The following TOPAZ1 variants were observed in gnomAD, a reference collection of about 807,000 sequenced individuals.
TOPAZ1 encodes the protein testis and ovary specific TOPAZ 1, also known as protein TOPAZ1.
Under a neutral mutation model 172.2 loss-of-function variants are expected in TOPAZ1, and 66 were observed. The observed-to-expected ratio is 0.38, with a 90% confidence interval of 0.31 to 0.47. The LOEUF is 0.47. Among genes scored for constraint, TOPAZ1 ranks in the 20% least tolerant of loss-of-function variants. The pLI, the probability that TOPAZ1 is intolerant of heterozygous loss-of-function variation, is 0.99. For synonymous variants in TOPAZ1, 681 were observed against 683.9 expected, an observed-to-expected ratio of 1.00 and a Z score of 0.07; for missense variants, 1,822 against 1,972.4, an observed-to-expected ratio of 0.92 and a Z score of 1.44.
chr3:44,335,324 T>G (rs1700711726), downstream of TOPAZ1, among the ~76,000 whole-genome samples: 1 of 152,110 alleles, frequency 6.6e-6, no homozygotes, highest in African/African-American at 2.4e-5. Context: ...TCTAAAGTTT[T>G]TTTTTAAATA....
intron 12 of TOPAZ1, among the ~76,000 whole-genome samples, chr3:44,297,576 A>T (rs1052282825): frequency 6.6e-6 from 1 of 152,214 alleles, no homozygotes; most frequent in Non-Finnish European, 1.5e-5. Context: ...AAGACTGGGA[A>T]CATGGCAAGG....
At chr3:44,333,419 G>A (rs1385498334), downstream of TOPAZ1, among the ~76,000 whole-genome samples, 1 of 152,116 alleles carries the variant, frequency 6.6e-6, no homozygotes, top group Non-Finnish European at 1.5e-5. Flanking sequence ...TCATTTTGAG[G>A]CACCTTTGAA....
intron 6 of TOPAZ1, among the ~76,000 whole-genome samples, 188 bp downstream of exon 6, chr3:44,267,324 C>T (rs529228521): frequency 7.8e-4 from 109 of 139,674 alleles, no homozygotes; most frequent in Non-Finnish European, 2.9e-4. Flanking sequence ...GACAGAGTCT[C>T]ACACTGTCGC....
intron 5 of TOPAZ1, among the ~76,000 whole-genome samples, chr3:44,266,178 A>G (rs1203146904): frequency 6.6e-6 from 1 of 152,188 alleles, no homozygotes; most frequent in Non-Finnish European, 1.5e-5. Flanking sequence ...CCCTCACAGA[A>G]TTGAAGAGAG....
chr3:44,285,737 A>G (rs990907642), intron 9 of TOPAZ1, among the ~76,000 whole-genome samples: 5 of 151,244 alleles, frequency 3.3e-5, no homozygotes, highest in Non-Finnish European at 4.4e-5. Context: ...TGCCTGGCTA[A>G]TTTTTGTATT....
chr3:44,265,972 G>T (rs1699825880), intron 5 of TOPAZ1, among the ~76,000 whole-genome samples: 1 of 152,196 alleles, frequency 6.6e-6, no homozygotes, highest in Non-Finnish European at 1.5e-5. Flanking sequence ...TTGAAAATCA[G>T]TTTGTTGTAG....
intron 4 of TOPAZ1, among the ~76,000 whole-genome samples, chr3:44,257,109 A>G (rs767454040): frequency 5.9e-5 from 9 of 152,186 alleles, no homozygotes; most frequent in Middle Eastern, 3.4e-3. Context: ...TGGGAGGACT[A>G]CTTGAGGCCA....
rs754735291 is a variant in TOPAZ1 at position 44,242,957 on chromosome 3, G to A, written c.451G>A (p.Val151Met). 5 of 1,550,948 alleles carry A rather than the reference G, an allele frequency of 3.2e-6. No homozygotes were observed. In the South Asian group the frequency reaches 6.0e-5, roughly 19 times the overall value. Residue 151 changes from valine (V) to methionine (M), a missense_variant, in exon 2 of 20, where the codon GTG becomes ATG. Physicochemically the swap from Val to Met is conservative, Grantham distance 21. Coordinates refer to ENST00000309765, the MANE Select transcript of TOPAZ1 (RefSeq NM_001145030.2). Reference protein sequence around the residue: ...SLTSSESFQTVECLQSLGKES... With the variant: ...SLTSSESFQTMECLQSLGKES... Reference sequence around the variant, plus strand: ...AACCAGTTCGGAATCTTTCCAAACAGTGGAATGCTTGCAGTCTTTGGGTAA... The same window carrying A: ...AACCAGTTCGGAATCTTTCCAAACAATGGAATGCTTGCAGTCTTTGGGTAA...
In TOPAZ1 at chr3:44,280,504, T is replaced by A. The variant is rs551463750; in HGVS notation, c.3373-1464T>A. 5.8e-4 allele frequency among the ~76,000 whole-genome samples: 88 copies of A among 151,882 alleles called. 2 individuals are homozygous for A. In the South Asian group the frequency reaches 0.017, roughly 29 times the overall value. On this transcript the variant is annotated intron_variant, in intron 8 of 19. Coordinates refer to ENST00000309765, the MANE Select transcript of TOPAZ1 (RefSeq NM_001145030.2). ...AGCTGGGACTACAGGCATGTCACCATGTCCAGTTAATTTTTCTATTTTTAG... is the reference window on the plus strand; with the variant it reads ...AGCTGGGACTACAGGCATGTCACCAAGTCCAGTTAATTTTTCTATTTTTAG...
chr3:44,311,257 G>A (rs1274989976), intron 16 of TOPAZ1, among the ~76,000 whole-genome samples: 1 of 152,120 alleles, frequency 6.6e-6, no homozygotes, highest in African/African-American at 2.4e-5. Flanking sequence ...CGTTTGTAAA[G>A]GTATTCTTCA....
At chr3:44,308,879 T>C (rs1230448274) in intron 15 of TOPAZ1, among the ~76,000 whole-genome samples, 2 of 152,180 alleles carry the variant, frequency 1.3e-5, no homozygotes, top group African/African-American at 4.8e-5. Context: ...TATACAGTCA[T>C]CTTGAAGGTA....
At chr3:44,303,198 T>C (rs1053424318) in intron 12 of TOPAZ1, among the ~76,000 whole-genome samples, 3 of 152,200 alleles carry the variant, frequency 2.0e-5, no homozygotes, top group Non-Finnish European at 4.4e-5. Flanking sequence ...TGTTTTTTTT[T>C]CTTAATCCCA....
At chr3:44,330,847 G>A (rs1358150234) in intron 19 of TOPAZ1, among the ~76,000 whole-genome samples, 1 of 152,222 alleles carries the variant, frequency 6.6e-6, no homozygotes, top group Non-Finnish European at 1.5e-5. Context: ...GGTCAGTGCA[G>A]TCACAATTGA....
chr3:44,254,511 C>T (rs2125679577), intron 2 of TOPAZ1, among the ~76,000 whole-genome samples: 1 of 151,778 alleles, frequency 6.6e-6, no homozygotes, highest in Non-Finnish European at 1.5e-5. Context: ...CCTGTAATCC[C>T]AGCTACTCAG....
At chr3:44,277,607 T>C (rs1699974600) in intron 8 of TOPAZ1, among the ~76,000 whole-genome samples, 1 of 152,180 alleles carries the variant, frequency 6.6e-6, no homozygotes, top group South Asian at 2.1e-4. Flanking sequence ...ATATGGCTGA[T>C]AGAGTTTGGA....
At chr3:44,252,021 A>G (rs56377787) in intron 2 of TOPAZ1, among the ~76,000 whole-genome samples, 32,756 of 152,152 alleles carry the variant, frequency 0.22, 3,701 homozygotes, top group Middle Eastern at 0.35. Flanking sequence ...ACAAAAATAA[A>G]CTGTTTCTTA....
At chr3:44,317,020 C>A (rs144472967) in intron 16 of TOPAZ1, among the ~76,000 whole-genome samples, 1 of 152,210 alleles carries the variant, frequency 6.6e-6, no homozygotes, top group Admixed American at 6.5e-5. Context: ...TCTCACTCCT[C>A]TTCTAAATTA....
Position 44,248,089 on chromosome 3 carries a change from T to A in TOPAZ1, c.2765+2818T>A, listed in dbSNP as rs764933079. Among the ~76,000 whole-genome samples, 41 of 152,372 alleles carry A rather than the reference T, an allele frequency of 2.7e-4. No individual in the cohort carries two copies. In the Middle Eastern group the frequency reaches 0.014, roughly 51 times the overall value. On this transcript the variant is annotated intron_variant, in intron 2 of 19. Coordinates refer to ENST00000309765, the MANE Select transcript of TOPAZ1 (RefSeq NM_001145030.2). ...TGTCTAAGAGCAGGTTGTCTGTGTG[T>A]AAAATTCTTAGTTTACATATTTCCC...
At chr3:44,318,376 C>T (rs1190613090) in intron 16 of TOPAZ1, among the ~76,000 whole-genome samples, 3 of 151,580 alleles carry the variant, frequency 2.0e-5, no homozygotes, top group East Asian at 1.9e-4. Flanking sequence ...CACTTGAACC[C>T]GGGAGGCGGA....
Sources: gnomAD v4.1 joint callset for allele counts (sites outside exome capture counted in the v4.1 genomes callset) on GRCh38, gnomAD v4.1.1 for gene constraint, MANE v1.5 for transcripts, NCBI Gene and HGNC (gene_info 2026-07-23, HGNC 2026-07-21) for gene names.